The following VCP variants were observed in gnomAD, a reference collection of about 807,000 sequenced individuals.
VCP encodes the protein valosin containing protein.
VCP carries 6 observed loss-of-function variants against 85.7 expected under a neutral mutation model. That is an observed-to-expected ratio of 0.07 (90% confidence interval 0.04 to 0.14). The LOEUF (loss-of-function observed/expected upper bound fraction) is 0.14, where lower values mean the gene tolerates loss of function less well. Among genes scored for constraint, VCP ranks in the 10% least tolerant of loss-of-function variants. VCP has a pLI of 1.00. For missense variants in VCP, 353 were observed against 1,043.4 expected, an observed-to-expected ratio of 0.34 and a Z score of 9.12; for synonymous variants, 384 against 367.1, an observed-to-expected ratio of 1.05 and a Z score of -0.53.
chr9:35,058,041 G>A (rs1190512015), intron 15 of VCP, among the ~76,000 whole-genome samples: 2 of 152,142 alleles, frequency 1.3e-5, no homozygotes, highest in Non-Finnish European at 2.9e-5. Context: ...AATCTACCCA[G>A]GGTTTCCCAA....
chr9:35,059,942 G>A lies in VCP; in HGVS notation c.1696-141C>T, dbSNP rs1005477359. ...GAGGCCAGAAATCCGAAACCAGCAT[G>A]GGCAACATACTGAGACTTTGTCTCT... On this transcript the variant is annotated intron_variant, in intron 13 of 16. Transcript: ENST00000358901. The surrounding 1 kb of genome is among the most constrained non-coding windows in gnomAD (Gnocchi z 4.9). The A allele has an allele frequency of 3.7e-5, 38 of 1,041,080 alleles. No individual in the cohort carries two copies. The highest frequency in any genetic ancestry group is 1.0e-4 in the Admixed American group (5 of 48,180). 64.5% of individuals were successfully genotyped at this position (1,041,080 alleles called of 1,614,324 possible). A position where few individuals can be genotyped will look rare whatever the true frequency, so the allele number is the denominator to read the frequency against.
chr9:35,061,588 C>G lies in VCP; in HGVS notation c.1183G>C (p.Asp395His). ...TKNMKLADDV[D>H]LEQVANETHG... ...CATCATCACTTCACCTGTTCCAGGT[C>G]CACATCATCTGCCAGCTTCATGTTC... The change falls in exon 10 of 17, where the codon GAC (aspartate) becomes CAC (histidine). Residue 395 changes from aspartate to histidine, a missense_variant. Coordinates refer to ENST00000358901, the MANE Select transcript of VCP (RefSeq NM_007126.5). 6.2e-7 allele frequency: 1 copy of G among 1,614,148 alleles called. No individual in the cohort carries two copies. Among genetic ancestry groups the G allele is most frequent in the East Asian group, 2.2e-5 (1 of 44,878 alleles).
At chr9:35,070,909 C>T (rs1383519082) in intron 1 of VCP, among the ~76,000 whole-genome samples, 1 of 152,104 alleles carries the variant, frequency 6.6e-6, no homozygotes, top group Non-Finnish European at 1.5e-5. Flanking sequence ...CTGAATTTGG[C>T]CTGACCATGG....
chr9:35,068,025 T>G lies in VCP; in HGVS notation c.168A>C (p.Thr56=), dbSNP rs1373925196. 5.6e-6 allele frequency: 9 copies of G among 1,614,248 alleles called. No individual in the cohort carries two copies. Among genetic ancestry groups the G allele is most frequent in the Non-Finnish European group, 7.6e-6 (9 of 1,180,040 alleles). Reference sequence around the variant, plus strand: ...GTCTCTTCTTTCCTTTCAGCAACACTGTGTCACCTCGGAACAACTGCAATT... The same window carrying G: ...GTCTCTTCTTTCCTTTCAGCAACACGGTGTCACCTCGGAACAACTGCAATT... ...MDELQLFRGD[T]VLLKGKKRRE... The change falls in exon 3 of 17, where the codon ACA becomes ACC. Residue 56 remains threonine (T), a synonymous_variant. Transcript: ENST00000358901.
At chr9:35,069,436 C>T (rs1318681891) in intron 1 of VCP, among the ~76,000 whole-genome samples, 7 of 149,858 alleles carry the variant, frequency 4.7e-5, no homozygotes, top group Admixed American at 1.3e-4. Flanking sequence ...TCAGCAAGCT[C>T]CCTCTCCCTT....
intron 9 of VCP, 122 bp downstream of exon 9, chr9:35,061,881 T>A (rs1828728479): frequency 6.4e-7 from 1 of 1,563,084 alleles, no homozygotes; most frequent in South Asian, 1.1e-5. Flanking sequence ...GGACGTAGGG[T>A]AAAGGAAAAA....
chr9:35,065,660 G>GT (rs1828814420), intron 4 of VCP, among the ~76,000 whole-genome samples: 1 of 152,108 alleles, frequency 6.6e-6, no homozygotes, highest in Non-Finnish European at 1.5e-5. Context: ...GGTAGCCCAA[G>GT]TTTTCACTAC....
Position 35,060,784 on chromosome 9 carries a change from G to T in VCP, c.1482+17C>A. ...ATGTACTGAGACAGTGACTCACCCT[G>T]GACCAAGTTGCCCTACCTGGACCAG... On this transcript the variant is annotated intron_variant, in intron 12 of 16. Coordinates refer to ENST00000358901, the MANE Select transcript of VCP (RefSeq NM_007126.5). The T allele has an allele frequency of 1.9e-6, 3 of 1,614,096 alleles. No homozygotes were observed. Among genetic ancestry groups the T allele is most frequent in the Non-Finnish European group, 2.5e-6 (3 of 1,179,998 alleles).
At position 35,059,027 on chromosome 9, in the gene VCP, C is replaced by A; in HGVS notation, c.2160+37G>T. 6.2e-7 allele frequency: 1 copy of A among 1,612,642 alleles called. No individual in the cohort carries two copies. Among genetic ancestry groups the A allele is most frequent in the South Asian group, 1.1e-5 (1 of 90,960 alleles). On this transcript the variant is annotated intron_variant, in intron 15 of 16. Coordinates refer to ENST00000358901, the MANE Select transcript of VCP (RefSeq NM_007126.5). This position sits in a 1 kb window ranked among gnomAD's most constrained non-coding sequence, Gnocchi z 4.9. ...TGGTGGTGGCTGCTGCCTGGCTCTC[C>A]ATGATTGGCACATCTGGGGAAAGGA...
chr9:35,057,978 T>A (rs951304075), intron 15 of VCP: 1 of 294,188 alleles, frequency 3.4e-6, no homozygotes, highest in African/African-American at 2.2e-5. Context: ...GCTTACCACA[T>A]TTGGATTACA....
At chr9:35,067,167 G>A (rs566092808) in intron 3 of VCP, among the ~76,000 whole-genome samples, 9 of 152,066 alleles carry the variant, frequency 5.9e-5, no homozygotes, top group Non-Finnish European at 1.2e-4. Flanking sequence ...AAACAGAAGT[G>A]AAAAAAACAA....
At chr9:35,057,592 G>T (rs1828636391) in intron 15 of VCP, 62 bp from the exon 16 acceptor site, 2 of 1,597,102 alleles carry the variant, frequency 1.3e-6, no homozygotes, top group Admixed American at 3.3e-5. Context: ...TTCATCCCAG[G>T]CCTCCCATTA....
chr9:35,066,862 C>A (rs746916521), intron 3 of VCP, 45 bp from the exon 4 acceptor site: 6 of 1,613,248 alleles, frequency 3.7e-6, no homozygotes, highest in Non-Finnish European at 2.5e-6. Context: ...ACACTTCGGG[C>A]CCAAGCACTG....
At chr9:35,068,465 C>T in intron 1 of VCP, 103 bp from the exon 2 acceptor site, 1 of 1,068,006 alleles carries the variant, frequency 9.4e-7, no homozygotes. Flanking sequence ...TGAAGCTGTC[C>T]CTAGACCAGA....
chr9:35,065,608 T>C (rs1032493678), intron 4 of VCP, among the ~76,000 whole-genome samples: 1 of 152,160 alleles, frequency 6.6e-6, no homozygotes, highest in African/African-American at 2.4e-5. Flanking sequence ...GAACAAAACC[T>C]GACATGTCAG....
At chr9:35,069,719 T>C (rs1045127769) in intron 1 of VCP, among the ~76,000 whole-genome samples, 2 of 152,210 alleles carry the variant, frequency 1.3e-5, no homozygotes, top group Non-Finnish European at 2.9e-5. Flanking sequence ...CCCAAAGTAC[T>C]GGGATTACAG....
chr9:35,061,699 A>G lies in VCP; in HGVS notation c.1082-10T>C. 1.2e-6 allele frequency: 2 copies of G among 1,608,944 alleles called. No individual in the cohort carries two copies. The highest frequency in any genetic ancestry group is 2.2e-5 in the East Asian group (1 of 44,864). ...TCCCTGTCAAAGCGACCTGTGGGACAGTACACAAACATAAACAGGGCTCAT... is the reference window on the plus strand; with the variant it reads ...TCCCTGTCAAAGCGACCTGTGGGACGGTACACAAACATAAACAGGGCTCAT... On this transcript the variant is annotated splice_polypyrimidine_tract_variant and intron_variant, in intron 9 of 16. Coordinates refer to ENST00000358901, the MANE Select transcript of VCP (RefSeq NM_007126.5).
intron 9 of VCP, 48 bp downstream of exon 9, chr9:35,061,954 GA>G (rs1170486669): frequency 5.0e-6 from 8 of 1,613,902 alleles, no homozygotes; most frequent in Non-Finnish European, 6.8e-6. Context: ...ATGAAGGAGA[GA>G]AGTAGGACCT....
intron 7 of VCP, 33 bp downstream of exon 7, chr9:35,062,945 C>G: frequency 6.2e-7 from 1 of 1,611,884 alleles, no homozygotes; most frequent in Non-Finnish European, 8.5e-7. Context: ...AAAATTGGGT[C>G]TAGCTAGACA....
Sources: allele counts gnomAD v4.1 joint callset (sites outside exome capture counted in the v4.1 genomes callset), GRCh38; gene constraint gnomAD v4.1.1; non-coding constraint Gnocchi (gnomAD v3.1); transcripts MANE v1.5; gene names NCBI Gene and HGNC (gene_info 2026-07-23, HGNC 2026-07-21).